Variants in COPB2 observed in about 807,000 individuals in gnomAD.
The protein encoded by COPB2 is coatomer subunit beta'.
A neutral mutation model predicts 120.8 loss-of-function variants in COPB2; 16 were observed. The ratio of observed to expected loss-of-function variants is 0.13; its 90% confidence interval spans 0.09 to 0.20. The LOEUF is 0.20. Among genes scored for constraint, COPB2 ranks in the 10% least tolerant of loss-of-function variants. COPB2 has a pLI of 1.00. For synonymous variants in COPB2, 332 were observed against 366.3 expected (o/e 0.91, Z 1.07); for missense variants, 794 against 1,076.5 (o/e 0.74, Z 3.67).
At chr3:139,359,660 A>G (rs895603400) in intron 17 of COPB2, among the ~76,000 whole-genome samples, 2 of 152,228 alleles carry the variant, frequency 1.3e-5, no homozygotes, top group Non-Finnish European at 1.5e-5. Context: ...TTTTAAAGGC[A>G]TAAGGATATA....
Position 139,357,459 on chromosome 3 carries a change from A to G in COPB2, c.*404T>C, listed in dbSNP as rs182866596. On this transcript the variant is annotated 3_prime_UTR_variant, in exon 22 of 22. Transcript: ENST00000333188. ...CTCTAAGAAAAATGTGATTGACAAC[A>G]TTTGAAAATGCAGATTTAGTTATAC... is the stretch of plus-strand genomic sequence containing the variant. 61 of 181,552 alleles carry G rather than the reference A, an allele frequency of 3.4e-4. No individual in the cohort carries two copies. The East Asian group carries it at 7.7e-3, about 23-fold the overall frequency. 11.2% of individuals were successfully genotyped at this position (181,552 alleles called of 1,614,324 possible). A position where few individuals can be genotyped will look rare whatever the true frequency, so the allele number is the denominator to read the frequency against.
chr3:139,377,805 A>G (rs1941741058), intron 5 of COPB2, among the ~76,000 whole-genome samples: 1 of 152,224 alleles, frequency 6.6e-6, no homozygotes, highest in African/African-American at 2.4e-5. Flanking sequence ...AAATTTTTAT[A>G]ACATGCTGCC....
intron 1 of COPB2, among the ~76,000 whole-genome samples, chr3:139,387,379 G>A (rs1316367244): frequency 6.6e-6 from 1 of 152,136 alleles, no homozygotes; most frequent in East Asian, 1.9e-4. Context: ...GGTACTTTGG[G>A]ACAAAGATGA....
At chr3:139,370,356 G>A (rs190011659) in intron 10 of COPB2, among the ~76,000 whole-genome samples, 1 of 152,254 alleles carries the variant, frequency 6.6e-6, no homozygotes, top group East Asian at 1.9e-4. Flanking sequence ...TCCCAGGTAG[G>A]ATGGCTCAAG....
chr3:139,369,518 A>G lies in COPB2; in HGVS notation c.1232T>C (p.Ile411Thr). ...SEYAIRESNS[I>T]VKIFKNFKEK... ...CTTAAAGTTCTTAAATATCTTTACA[A>G]TGCTGTTGCTCTCTCTTATTGCATA... Residue 411 changes from isoleucine (I) to threonine (T), a missense_variant, in exon 11 of 22, where the codon ATT (isoleucine) becomes ACT (threonine). Physicochemically the swap from Ile to Thr is moderately conservative, Grantham distance 89 (BLOSUM62 -1). This residue lies in a region of COPB2 where 610 missense variants were observed against 866.7 expected (regional missense o/e 0.70). Coordinates refer to ENST00000333188, the MANE Select transcript of COPB2 (RefSeq NM_004766.3). 6.2e-7 allele frequency: 1 copy of G among 1,611,632 alleles called. No individual in the cohort carries two copies. The highest frequency in any genetic ancestry group is 8.5e-7 in the Non-Finnish European group (1 of 1,178,656).
chr3:139,377,502 A>T (rs1941735265), intron 5 of COPB2, among the ~76,000 whole-genome samples: 1 of 152,268 alleles, frequency 6.6e-6, no homozygotes, highest in South Asian at 2.1e-4. Flanking sequence ...GATGGTGAGT[A>T]GACCAGGGTT....
intron 2 of COPB2, chr3:139,380,844 T>A (rs1941797524): frequency 6.6e-6 from 1 of 152,092 alleles, no homozygotes; most frequent in Non-Finnish European, 1.5e-5. Flanking sequence ...ATGCGATCTA[T>A]AACACGGCAG....
Position 139,367,033 on chromosome 3 carries a change from G to A in COPB2, c.1658C>T (p.Thr553Ile). The A allele has an allele frequency of 6.2e-7, 1 of 1,612,478 alleles. No individual in the cohort carries two copies. Among genetic ancestry groups the A allele is most frequent in the East Asian group, 2.2e-5 (1 of 44,856 alleles). The change falls in exon 14 of 22, where the codon ACC becomes ATC. Residue 553 changes from threonine (T) to isoleucine (I), a missense_variant. Physicochemically the swap from Thr to Ile is moderately conservative, Grantham distance 89. This residue lies in a region of COPB2 where 610 missense variants were observed against 866.7 expected (regional missense o/e 0.70). Transcript: ENST00000333188. ...CAGGTACCTGTCCAAGTGGGCAATG[G>A]TGACTATTTCTCCTCCAACATAATA... ...LNYYVGGEIV[T>I]IAHLDRTMYL...
chr3:139,373,529 C>T, intron 8 of COPB2, 117 bp from the exon 9 acceptor site: 2 of 1,500,232 alleles, frequency 1.3e-6, no homozygotes, highest in South Asian at 1.2e-5. Context: ...CACTTTAAAT[C>T]TTCATTGCTT....
chr3:139,389,561 G>C lies in COPB2; in HGVS notation c.-11C>G, dbSNP rs1433575444. 6.4e-7 allele frequency: 1 copy of C among 1,574,706 alleles called. No individual in the cohort carries two copies. On this transcript the variant is annotated 5_prime_UTR_variant, in exon 1 of 22. Transcript: ENST00000333188. ...ATCTGGACCTACCATGGCTGCGTCG[G>C]TCCAATCCCGGGAACCCTCGTTTGT... is the stretch of plus-strand genomic sequence containing the variant.
At position 139,367,100 on chromosome 3, in the gene COPB2, C is replaced by G; in HGVS notation, c.1591G>C (p.Gly531Arg). 1 of 1,613,868 alleles carries G rather than the reference C, an allele frequency of 6.2e-7. No individual in the cohort carries two copies. Among genetic ancestry groups the G allele is most frequent in the Non-Finnish European group, 8.5e-7 (1 of 1,179,930 alleles). Residue 531 changes from glycine to arginine, a missense_variant, in exon 14 of 22, where the codon GGC becomes CGC. Coordinates refer to ENST00000333188, the MANE Select transcript of COPB2 (RefSeq NM_004766.3). The part of the protein sequence containing the change: ...QEIVKTGLWV[G>R]DCFIYTSSVN... ...GAACTTGTGTAAATGAAGCAATCGC[C>G]TACCCAAAGCCCTGTTTTCACAATT...
In COPB2 at chr3:139,383,840, A is replaced by G. The variant is rs187258427; in HGVS notation, c.4-405T>C. Among the ~76,000 whole-genome samples, 13 of 152,322 alleles carry G rather than the reference A, an allele frequency of 8.5e-5. No homozygotes were observed. The East Asian group carries it at 2.1e-3, about 25-fold the overall frequency. On this transcript the variant is annotated intron_variant, in intron 1 of 21. Coordinates refer to ENST00000333188, the MANE Select transcript of COPB2 (RefSeq NM_004766.3). ...AAATCCAGTACATGTTAATTAAAAT[A>G]ACATGTTTTTATGAAAAATAACTAT...
chr3:139,382,035 T>C (rs1394905512), intron 2 of COPB2: 2 of 152,206 alleles, frequency 1.3e-5, no homozygotes, highest in African/African-American at 4.8e-5. Context: ...CAAATAATTA[T>C]TGAGCATTTA....
At chr3:139,376,340 G>A (rs1016202395) in intron 5 of COPB2, among the ~76,000 whole-genome samples, 1 of 152,150 alleles carries the variant, frequency 6.6e-6, no homozygotes, top group Non-Finnish European at 1.5e-5. Flanking sequence ...GTAGAAAATT[G>A]TTAAAAATTA....
rs764321413 is a variant in COPB2 at position 139,379,137 on chromosome 3, G to A, written c.265C>T (p.Leu89=). Residue 89 remains leucine, a synonymous_variant, in exon 4 of 22, where the codon CTG becomes TTG. Transcript: ENST00000333188. ...MQIRVFNYNT[L]ERVHMFEAHS... ...GCTTCAAACATATGAACTCTCTCCA[G>A]AGTATTGTAATTGAACACTCTAATC... The A allele has an allele frequency of 6.2e-7, 1 of 1,610,986 alleles. No homozygotes were observed. The highest frequency in any genetic ancestry group is 1.1e-5 in the South Asian group (1 of 90,132).
rs760009051 is a variant in COPB2, at chr3:139,369,507, A to T, written c.1243T>A (p.Phe415Ile). 1 of 1,612,196 alleles carries T rather than the reference A, an allele frequency of 6.2e-7. No individual in the cohort carries two copies. The highest frequency in any genetic ancestry group is 8.5e-7 in the Non-Finnish European group (1 of 1,179,056). Residue 415 changes from phenylalanine (F) to isoleucine (I), a missense_variant, in exon 11 of 22, where the codon TTT becomes ATT. Physicochemically the swap from Phe to Ile is conservative, Grantham distance 21. Around this residue, in one of 3 missense-constraint regions of COPB2, gnomAD observed 610 missense variants for 866.7 expected, o/e 0.70. Coordinates refer to ENST00000333188, the MANE Select transcript of COPB2 (RefSeq NM_004766.3). Reference protein sequence around the residue: ...IRESNSIVKIFKNFKEKKSFK... With the variant: ...IRESNSIVKIIKNFKEKKSFK... The stretch of plus-strand genomic sequence containing the variant: ...GATTTTTTTTCCTTAAAGTTCTTAA[A>T]TATCTTTACAATGCTGTTGCTCTCT...
intron 16 of COPB2, among the ~76,000 whole-genome samples, chr3:139,361,877 G>T (rs1270354345): frequency 2.0e-5 from 3 of 152,160 alleles, no homozygotes; most frequent in African/African-American, 4.8e-5. Context: ...TCTCCCACTT[G>T]AGCCTCCCTG....
chr3:139,387,790 C>G (rs1048433296), intron 1 of COPB2, among the ~76,000 whole-genome samples: 2 of 152,200 alleles, frequency 1.3e-5, no homozygotes, highest in African/African-American at 2.4e-5. Flanking sequence ...TAACCTCTTT[C>G]AAGTTTGACT....
Position 139,373,268 on chromosome 3 carries a change from C to G in COPB2, c.1039G>C (p.Asp347His), listed in dbSNP as rs1296953158. 3 of 1,613,982 alleles carry G rather than the reference C, an allele frequency of 1.9e-6. No individual in the cohort carries two copies. In the Admixed American group the frequency reaches 5.0e-5, roughly 27 times the overall value. Reference protein sequence around the residue: ...DGERLPLAVKDMGSCEIYPQT... With the variant: ...DGERLPLAVKHMGSCEIYPQT... ...GGGTATATTTCACAACTGCCCATATCCTTTACTGCCAGTGGCAATCTTTCA... is the reference window on the plus strand; with the variant it reads ...GGGTATATTTCACAACTGCCCATATGCTTTACTGCCAGTGGCAATCTTTCA... Residue 347 changes from aspartate (D) to histidine (H), a missense_variant, in exon 9 of 22, where the codon GAT becomes CAT. Around this residue, in one of 3 missense-constraint regions of COPB2, gnomAD observed 610 missense variants for 866.7 expected, o/e 0.70. Coordinates refer to ENST00000333188, the MANE Select transcript of COPB2 (RefSeq NM_004766.3).
Sources: gnomAD v4.1 joint callset for allele counts (sites outside exome capture counted in the v4.1 genomes callset) on GRCh38, gnomAD v4.1.1 for gene constraint, gnomAD v4.1.1 regional missense constraint, MANE v1.5 for transcripts, NCBI Gene and HGNC (gene_info 2026-07-23, HGNC 2026-07-21) for gene names.